The following SLC25A38 variants were observed in gnomAD, a reference collection of about 807,000 sequenced individuals.
SLC25A38 encodes mitochondrial glycine transporter.
Under a neutral mutation model 33.4 loss-of-function variants are expected in SLC25A38, and 27 were observed. The ratio of observed to expected loss-of-function variants is 0.81; its 90% confidence interval spans 0.60 to 1.11. The LOEUF is 1.11. Among genes scored for constraint, SLC25A38 ranks in the 50% most tolerant of loss-of-function variants. The pLI is 0.00. For missense variants in SLC25A38, 344 were observed against 388.8 expected (o/e 0.88, Z 0.97); for synonymous variants, 123 against 145.9 (o/e 0.84, Z 1.13).
intron 1 of SLC25A38, among the ~76,000 whole-genome samples, chr3:39,387,585 G>C (rs11129824): frequency 0.27 from 40,490 of 152,108 alleles, 5,972 homozygotes; most frequent in Non-Finnish European, 0.32. Flanking sequence ...GTGGAGAACT[G>C]TTGACCAAGT....
chr3:39,397,103 T>G lies in SLC25A38; in HGVS notation c.*583T>G, dbSNP rs1345701708. 6.1e-6 allele frequency: 1 copy of G among 164,796 alleles called. No individual in the cohort carries two copies. The highest frequency in any genetic ancestry group is 1.3e-5 in the Non-Finnish European group (1 of 74,544). The allele number at this position is 164,796 out of a possible 1,614,324, so 10.2% of individuals were successfully genotyped here. ...CTTTCTAGCCTCTGAATGTTCCAAA[T>G]AAAATTTTTTGGTCTTGGCCCCTGT... On this transcript the variant is annotated 3_prime_UTR_variant, in exon 7 of 7. Coordinates refer to ENST00000650617, the MANE Select transcript of SLC25A38 (RefSeq NM_017875.4).
In SLC25A38 at chr3:39,393,306, C is replaced by T. The variant is rs563530323; in HGVS notation, c.626-1104C>T. ...GAGACTCCGTCTCAAAAAAAAAAAT[C>T]GATCTGGTATTTGGAAATAAACTTG... is the stretch of plus-strand genomic sequence containing the variant. On this transcript the variant is annotated intron_variant, in intron 5 of 6. Transcript: ENST00000650617. Among the ~76,000 whole-genome samples the T allele has an allele frequency of 3.7e-4, 56 of 152,026 alleles. No individual in the cohort carries two copies. The East Asian group carries it at 0.01, about 27-fold the overall frequency.
intron 5 of SLC25A38, 124 bp downstream of exon 5, chr3:39,392,145 TTG>T: frequency 7.7e-7 from 1 of 1,305,616 alleles, no homozygotes; most frequent in African/African-American, 1.5e-5. Flanking sequence ...CATATCATGA[TTG>T]TGTCAGGAAC....
rs1448217001 is a variant in SLC25A38 at position 39,389,452 on chromosome 3, C to T, written c.70-43C>T. ...GTCAGGTATAGAGAAAGGTGAGGCTCACACAGGCAGAGCTACTGACACAAT... is the reference window on the plus strand; with the variant it reads ...GTCAGGTATAGAGAAAGGTGAGGCTTACACAGGCAGAGCTACTGACACAAT... On this transcript the variant is annotated intron_variant, in intron 1 of 6. Coordinates refer to ENST00000650617, the MANE Select transcript of SLC25A38 (RefSeq NM_017875.4). This position sits in a 1 kb window ranked among gnomAD's most constrained non-coding sequence, Gnocchi z 4.5. 1 of 1,614,172 alleles carries T rather than the reference C, an allele frequency of 6.2e-7. No homozygotes were observed. Among genetic ancestry groups the T allele is most frequent in the South Asian group, 1.1e-5 (1 of 91,056 alleles).
In SLC25A38 at chr3:39,383,743, C is replaced by G. The variant is rs1424430074; in HGVS notation, c.19C>G (p.Pro7Ala). 1.2e-6 allele frequency: 2 copies of G among 1,614,188 alleles called. No homozygotes were observed. The highest frequency in any genetic ancestry group is 2.7e-5 in the African/African-American group (2 of 75,072). ...ATCTCCAATGATTCAGAACTCACGT[C>G]CGTCGCTGCTGCAACCCCAAGATGT... MIQNSR[P>A]SLLQPQDVGD... Residue 7 changes from proline to alanine, a missense_variant, in exon 1 of 7, where the codon CCG becomes GCG. Pro to Ala is a conservative substitution (Grantham distance 27). Coordinates refer to ENST00000650617, the MANE Select transcript of SLC25A38 (RefSeq NM_017875.4).
intron 5 of SLC25A38, among the ~76,000 whole-genome samples, chr3:39,392,510 C>T (rs1035631155): frequency 6.6e-6 from 1 of 152,012 alleles, no homozygotes; most frequent in African/African-American, 2.4e-5. Context: ...TCCCAGTTAA[C>T]ATGGTTTTGA....
In SLC25A38 at chr3:39,396,597, T is replaced by C. The variant is rs1194243950; in HGVS notation, c.*77T>C. ...CAAGGGCTGCTGCTTCTTACTATTC[T>C]GCAGTAAGATGAAGTCCTACCTGGA... On this transcript the variant is annotated 3_prime_UTR_variant, in exon 7 of 7. Transcript: ENST00000650617. The C allele has an allele frequency of 6.2e-7, 1 of 1,607,404 alleles. No homozygotes were observed. Among genetic ancestry groups the C allele is most frequent in the East Asian group, 2.2e-5 (1 of 44,850 alleles).
At chr3:39,393,226 C>T (rs926024734) in intron 5 of SLC25A38, among the ~76,000 whole-genome samples, 3 of 151,876 alleles carry the variant, frequency 2.0e-5, no homozygotes, top group African/African-American at 4.8e-5. Flanking sequence ...GTGGAGGTTG[C>T]GGTGAGTTGA....
chr3:39,387,743 T>C (rs552763544), intron 1 of SLC25A38: 1 of 152,634 alleles, frequency 6.6e-6, no homozygotes, highest in East Asian at 1.9e-4. Context: ...TGGGTGAGGT[T>C]ACTCTGAAAG....
rs1296846036 is a variant in SLC25A38, at chr3:39,384,477, T to C, written c.69+684T>C. 2.6e-5 allele frequency: 10 copies of C among 383,158 alleles called. No individual in the cohort carries two copies. The East Asian group carries it at 3.3e-4, about 13-fold the overall frequency. 23.7% of individuals were successfully genotyped at this position (383,158 alleles called of 1,614,324 possible). ...ACTGCAGCTGCCGCAGCTCTCCCTC[T>C]GAGGTCTTGCGCCCGAGGTAGGGGC... On this transcript the variant is annotated intron_variant, in intron 1 of 6. Coordinates refer to ENST00000650617, the MANE Select transcript of SLC25A38 (RefSeq NM_017875.4).
At chr3:39,396,211 G>A (rs1406470279) in intron 6 of SLC25A38, among the ~76,000 whole-genome samples, 187 bp from the exon 7 acceptor site, 4 of 148,712 alleles carry the variant, frequency 2.7e-5, no homozygotes, top group Admixed American at 1.3e-4. Context: ...CTCTGCCTCG[G>A]AAAAAAAAAA....
chr3:39,392,688 C>G (rs569860308), intron 5 of SLC25A38, among the ~76,000 whole-genome samples: 2 of 152,094 alleles, frequency 1.3e-5, no homozygotes, highest in East Asian at 3.9e-4. Flanking sequence ...ATAGAATGAA[C>G]CTGCATGTAA....
At chr3:39,394,713 C>A in intron 6 of SLC25A38, 137 bp downstream of exon 6, 1 of 959,214 alleles carries the variant, frequency 1.0e-6, no homozygotes, top group Non-Finnish European at 1.6e-6. Flanking sequence ...AAATCTAGGC[C>A]AACTATATCA....
At position 39,389,466 on chromosome 3, in the gene SLC25A38, T is replaced by A; in HGVS notation, c.70-29T>A. 6.2e-7 allele frequency: 1 copy of A among 1,614,238 alleles called. No individual in the cohort carries two copies. Among genetic ancestry groups the A allele is most frequent in the Non-Finnish European group, 8.5e-7 (1 of 1,180,042 alleles). ...AAGGTGAGGCTCACACAGGCAGAGC[T>A]ACTGACACAATATTGTCTTATCCTG... is the stretch of plus-strand genomic sequence containing the variant. On this transcript the variant is annotated intron_variant, in intron 1 of 6. Transcript: ENST00000650617. This position sits in a 1 kb window ranked among gnomAD's most constrained non-coding sequence, Gnocchi z 4.5.
chr3:39,385,159 G>A (rs569847273), intron 1 of SLC25A38, among the ~76,000 whole-genome samples: 24 of 152,216 alleles, frequency 1.6e-4, no homozygotes, highest in African/African-American at 5.3e-4. Flanking sequence ...ATTCACCATT[G>A]ACAAAAATCT....
At chr3:39,394,661 A>G (rs2041808787) in intron 6 of SLC25A38, 85 bp downstream of exon 6, 6 of 1,522,222 alleles carry the variant, frequency 3.9e-6, no homozygotes, top group Non-Finnish European at 4.5e-6. Context: ...ACTCACATTA[A>G]AATTGCCTAG....
At chr3:39,383,911 T>A in intron 1 of SLC25A38, 118 bp downstream of exon 1, 1 of 1,151,394 alleles carries the variant, frequency 8.7e-7, no homozygotes, top group Non-Finnish European at 1.3e-6. Context: ...CGCTCAGGAT[T>A]TAGGATGCGG....
rs2041743259 is a variant in SLC25A38 at position 39,389,940 on chromosome 3, T to A, written c.191+324T>A. Among the ~76,000 whole-genome samples the A allele has an allele frequency of 6.6e-6, 1 of 152,148 alleles. No individual in the cohort carries two copies. Among genetic ancestry groups the A allele is most frequent in the African/African-American group, 2.4e-5 (1 of 41,414 alleles). On this transcript the variant is annotated intron_variant, in intron 2 of 6. Coordinates refer to ENST00000650617, the MANE Select transcript of SLC25A38 (RefSeq NM_017875.4). This position sits in a 1 kb window ranked among gnomAD's most constrained non-coding sequence, Gnocchi z 4.5. ...AACATCAGTATTATCTGTTTTTGTT[T>A]TTGTTTTATTTGTTTTTTGAGGCAG...
Position 39,397,301 on chromosome 3 carries a change from A to C in SLC25A38, c.*781A>C, listed in dbSNP as rs1292968651. On this transcript the variant is annotated 3_prime_UTR_variant, in exon 7 of 7. Transcript: ENST00000650617. ...TGGACCAAACCCTTTTCTAAAATAA[A>C]ATAGTTCTAGGGTGGCTGGTTATTG... is the stretch of plus-strand genomic sequence containing the variant. 1.3e-5 allele frequency: 2 copies of C among 152,568 alleles called. No homozygotes were observed. The highest frequency in any genetic ancestry group is 4.8e-5 in the African/African-American group (2 of 41,448). 9.5% of individuals were successfully genotyped at this position (152,568 alleles called of 1,614,324 possible).
Sources: allele counts gnomAD v4.1 joint callset (sites outside exome capture counted in the v4.1 genomes callset), GRCh38; gene constraint gnomAD v4.1.1; non-coding constraint Gnocchi (gnomAD v3.1); transcripts MANE v1.5; gene names NCBI Gene and HGNC (gene_info 2026-07-23, HGNC 2026-07-21).